F11: variants seen among roughly 807,000 people sequenced by gnomAD.
F11 encodes coagualtion factor XI.
Under a neutral mutation model 76.5 loss-of-function variants are expected in F11, and 78 were observed. The observed-to-expected ratio is 1.02, with a 90% CI of 0.85 to 1.23. F11 has a LOEUF of 1.23. F11 is among the 50% of genes most tolerant of loss of function. The probability of loss-of-function intolerance (pLI) is 0.00; values close to 1 mark genes in which losing one functional copy is unlikely to be tolerated. For synonymous variants in F11, 278 were observed against 276.3 expected (o/e 1.01, Z -0.06); for missense variants, 742 against 771.4 (o/e 0.96, Z 0.45).
chr4:186,269,253 G>GA (rs1055002460), intron 2 of F11, among the ~76,000 whole-genome samples: 11 of 151,836 alleles, frequency 7.2e-5, no homozygotes, highest in African/African-American at 1.4e-4. Flanking sequence ...GGTACATACC[G>GA]AAAAAAAAGA....
At chr4:186,283,889 G>A (rs577151071) in intron 10 of F11, 3 of 208,930 alleles carry the variant, frequency 1.4e-5, no homozygotes, top group Admixed American at 1.3e-4. Flanking sequence ...ATTCTTAGGG[G>A]TGTGTAATTA....
At chr4:186,279,934 T>C (rs1740662653) in intron 7 of F11, 78 bp from the exon 8 acceptor site, 3 of 1,103,634 alleles carry the variant, frequency 2.7e-6, no homozygotes, top group Non-Finnish European at 4.1e-6. Context: ...TGAGCTGACT[T>C]TACTTTCTCT....
In F11 at chr4:186,271,791, C is replaced by T. The variant is rs11940999; in HGVS notation, c.218+20C>T. 541 of 1,613,834 alleles carry T rather than the reference C, an allele frequency of 3.4e-4. 1 individual carries two copies. The African/African-American group carries it at 6.4e-3, about 19-fold the overall frequency. ...CCGATGGTAAATGCTTATGTTTCTA[C>T]ATCGAGGAGACAGATTTTTAAAGGG... On this transcript the variant is annotated intron_variant, in intron 3 of 14. Coordinates refer to ENST00000403665, the MANE Select transcript of F11 (RefSeq NM_000128.4).
At chr4:186,268,775 C>T (rs1221909710) in intron 2 of F11, among the ~76,000 whole-genome samples, 2 of 151,998 alleles carry the variant, frequency 1.3e-5, no homozygotes, top group East Asian at 3.9e-4. Context: ...TATATCAAAA[C>T]TTTGAGATGT....
At chr4:186,274,377 C>T in intron 5 of F11, 102 bp downstream of exon 5, 1 of 1,430,146 alleles carries the variant, frequency 7.0e-7, no homozygotes, top group Non-Finnish European at 9.7e-7. Context: ...ATTTTGAACC[C>T]CTAAAAGACA....
rs1296486241 is a variant in F11 at position 186,280,705 on chromosome 4, T to C, written c.1135+125T>C. Reference sequence around the variant, plus strand: ...ATTCAGGAAATAACAAATTTTGCAATTTTCTATTATTTTCACTCCTGTCAC... The same window carrying C: ...ATTCAGGAAATAACAAATTTTGCAACTTTCTATTATTTTCACTCCTGTCAC... On this transcript the variant is annotated intron_variant, in intron 10 of 14. Coordinates refer to ENST00000403665, the MANE Select transcript of F11 (RefSeq NM_000128.4). The C allele has an allele frequency of 5.0e-6, 4 of 800,024 alleles. No individual in the cohort carries two copies. In the African/African-American group the frequency reaches 5.1e-5, roughly 10 times the overall value. The allele number at this position is 800,024 out of a possible 1,614,324, so 49.6% of individuals were successfully genotyped here. A position where few individuals can be genotyped will look rare whatever the true frequency, so the allele number is the denominator to read the frequency against.
chr4:186,282,321 TA>T (rs1239413253), intron 10 of F11: 1 of 985,382 alleles, frequency 1.0e-6, no homozygotes, highest in Non-Finnish European at 1.2e-6. Context: ...TAAAGGAAAA[TA>T]AAGTCTTACG....
chr4:186,285,341 GTGTC>G (rs1462976558), intron 11 of F11, among the ~76,000 whole-genome samples: 3 of 151,748 alleles, frequency 2.0e-5, no homozygotes, highest in African/African-American at 4.8e-5. Flanking sequence ...GTGTGCGTGT[GTGTC>G]TGTGCAGTGT....
intron 10 of F11, 139 bp downstream of exon 10, chr4:186,280,719 C>A: frequency 1.4e-6 from 1 of 731,350 alleles, no homozygotes; most frequent in South Asian, 1.6e-5. Context: ...CTATTATTTT[C>A]ACTCCTGTCA....
intron 5 of F11, 39 bp from the exon 6 acceptor site, chr4:186,275,748 T>C (rs758659413): frequency 6.9e-7 from 1 of 1,454,252 alleles, no homozygotes; most frequent in Non-Finnish European, 9.6e-7. Flanking sequence ...TCCTTGCAGT[T>C]GGAAGAATAA....
At chr4:186,276,459 A>T (rs1740390959) in intron 7 of F11, 69 bp downstream of exon 7, 2 of 1,569,484 alleles carry the variant, frequency 1.3e-6, no homozygotes, top group East Asian at 4.5e-5. Context: ...CATCATTAAA[A>T]ATTCCAAGTA....
At chr4:186,276,120 A>G in intron 6 of F11, 111 bp from the exon 7 acceptor site, 1 of 1,279,956 alleles carries the variant, frequency 7.8e-7, no homozygotes, top group East Asian at 2.5e-5. Context: ...AAAAATTAAA[A>G]GATCTTGGGA....
rs1741413104 is a variant in F11 at position 186,289,028 on chromosome 4, T to A, written c.*414T>A. ...CTGGAAGAAAGGAGAACAAAGACAG[T>A]CTTCACCATTTTGCAGGAATCTACA... On this transcript the variant is annotated 3_prime_UTR_variant, in exon 15 of 15. Transcript: ENST00000403665. The A allele has an allele frequency of 8.2e-4, 203 of 247,102 alleles. No homozygotes were observed. The highest frequency in any genetic ancestry group is 2.6e-3 in the South Asian group (47 of 18,162). The allele number at this position is 247,102 out of a possible 1,614,324, so 15.3% of individuals were successfully genotyped here.
At chr4:186,278,840 A>G (rs1740573060) in intron 7 of F11, among the ~76,000 whole-genome samples, 1 of 152,218 alleles carries the variant, frequency 6.6e-6, no homozygotes, top group Non-Finnish European at 1.5e-5. Flanking sequence ...GAAATTATCA[A>G]AGGGTTAAAT....
intron 11 of F11, among the ~76,000 whole-genome samples, chr4:186,284,788 A>G (rs894988343): frequency 3.9e-5 from 6 of 152,208 alleles, no homozygotes; most frequent in Non-Finnish European, 8.8e-5. Context: ...TCTCTAAAAA[A>G]TATTTAAAAA....
At chr4:186,286,287 A>G (rs1741203335) in intron 12 of F11, 128 bp from the exon 13 acceptor site, 2 of 948,192 alleles carry the variant, frequency 2.1e-6, no homozygotes, top group Non-Finnish European at 3.3e-6. Context: ...AAAATACACG[A>G]CAACAAGGCA....
chr4:186,267,282 C>T (rs904566144), intron 2 of F11, 91 bp downstream of exon 2: 8 of 873,366 alleles, frequency 9.2e-6, no homozygotes, highest in Admixed American at 1.7e-5. Context: ...CCATTTATGC[C>T]GGGAAGGAAA....
chr4:186,273,216 A>T, intron 4 of F11, 39 bp downstream of exon 4: 1 of 1,434,218 alleles, frequency 7.0e-7, no homozygotes, highest in Non-Finnish European at 9.8e-7. Flanking sequence ...ACCAGCTGTG[A>T]TGTACACATA....
chr4:186,283,848 C>G lies in F11; in HGVS notation c.1136-244C>G, dbSNP rs4253422. Among the ~76,000 whole-genome samples the G allele has an allele frequency of 0.16, 25,093 of 152,204 alleles. 2,162 individuals carry two copies. The highest frequency in any genetic ancestry group is 0.2 in the Middle Eastern group (58 of 294). ...CGTTATCATTTGAAGGAGGGTAAGA[C>G]AGCCTTGTAGTACCACACAAGGAGG... is the stretch of plus-strand genomic sequence containing the variant. On this transcript the variant is annotated intron_variant, in intron 10 of 14. Transcript: ENST00000403665.
Sources: gnomAD v4.1 joint callset for allele counts (sites outside exome capture counted in the v4.1 genomes callset) on GRCh38, gnomAD v4.1.1 for gene constraint, MANE v1.5 for transcripts, NCBI Gene and HGNC (gene_info 2026-07-23, HGNC 2026-07-21) for gene names.